Variants in RPGR observed in about 807,000 individuals in gnomAD.
RPGR encodes X-linked retinitis pigmentosa GTPase regulator.
A neutral mutation model predicts 56.3 loss-of-function variants in RPGR; 10 were observed. The observed-to-expected ratio is 0.18, with a 90% CI of 0.11 to 0.30. The LOEUF is 0.30. RPGR is among the 10% of genes least tolerant of loss of function. RPGR has a pLI of 1.00. For missense variants in RPGR, 538 were observed against 590.9 expected (o/e 0.91, Z 0.93); for synonymous variants, 197 against 212.9 (o/e 0.93, Z 0.65).
At chrX:38,284,077 T>C (rs1340315620) in intron 15 of RPGR, among the ~76,000 whole-genome samples, 1 of 111,458 alleles carries the variant, frequency 9.0e-6, no homozygotes, top group African/African-American at 3.3e-5. Flanking sequence ...CTTCATACGA[T>C]TCTAGACTTT....
intron 15 of RPGR, among the ~76,000 whole-genome samples, chrX:38,279,389 AT>A (rs1346732856): frequency 3.6e-5 from 4 of 111,966 alleles, no homozygotes; most frequent in Admixed American, 9.5e-5. Context: ...TTGGTCAGGC[AT>A]GGCACAGTCA....
intron 15 of RPGR, among the ~76,000 whole-genome samples, chrX:38,278,677 A>C (rs2066978588): frequency 8.9e-6 from 1 of 112,723 alleles, no homozygotes; most frequent in South Asian, 3.6e-4. Flanking sequence ...TATGACTGAT[A>C]GTTGTCTGCA....
At position 38,289,351 on chromosome X, in the gene RPGR, A is replaced by C. The variant is rs181609411; in HGVS notation, c.1573-1310T>G. On this transcript the variant is annotated intron_variant, in intron 13 of 18. Coordinates refer to ENST00000642395, the MANE Select transcript of RPGR (RefSeq NM_000328.3). ...TAAATGAAAGAACACTAAGGAAAGA[A>C]TATTAAGTGTAAAATGTAAGATTTG... Among the ~76,000 whole-genome samples, 254 of 112,394 alleles carry C rather than the reference A, an allele frequency of 2.3e-3. 1 individual carries two copies. Among genetic ancestry groups the C allele is most frequent in the Non-Finnish European group, 4.0e-3 (211 of 53,267 alleles).
In RPGR at chrX:38,287,286, T is replaced by A; in HGVS notation, c.1754-41A>T. On this transcript the variant is annotated intron_variant, in intron 14 of 18. Coordinates refer to ENST00000642395, the MANE Select transcript of RPGR (RefSeq NM_000328.3). ...ATTTAAAATCATACTTTGCCATGGA[T>A]TTGGATATTATGGGTTTAGTCTCTT... 3 of 1,204,935 alleles carry A rather than the reference T, an allele frequency of 2.5e-6. No homozygotes were observed. In the South Asian group the frequency reaches 5.3e-5, roughly 21 times the overall value.
rs1801687 is a variant in RPGR at position 38,297,424 on chromosome X, C to T, written c.1274G>A (p.Arg425Lys). 0.066 allele frequency: 79,597 copies of T among 1,205,424 alleles called. 2,698 individuals carry two copies. The highest frequency in any genetic ancestry group is 0.2 in the Admixed American group (8,997 of 45,276). Residue 425 changes from arginine to lysine, a missense_variant, in exon 11 of 19, where the codon AGG becomes AAG. Around this residue, in one of 2 missense-constraint regions of RPGR, gnomAD observed 357 missense variants for 325.8 expected, o/e 1.10. Coordinates refer to ENST00000642395, the MANE Select transcript of RPGR (RefSeq NM_000328.3). ...CCCTTCTATTGGAGGTAGTGTTCTCCTCATTGAAAAAGAATCTGGAGACCT... is the reference window on the plus strand; with the variant it reads ...CCCTTCTATTGGAGGTAGTGTTCTCTTCATTGAAAAAGAATCTGGAGACCT...
At chrX:38,297,193 A>G (rs2147227009) in intron 11 of RPGR, 91 bp downstream of exon 11, 2 of 957,299 alleles carry the variant, frequency 2.1e-6, no homozygotes, top group East Asian at 6.2e-5. Flanking sequence ...AACAATTTAA[A>G]TAACTGGAGA....
Position 38,269,699 on chromosome X carries a change from T to C in RPGR, c.2375A>G (p.His792Arg). 8.3e-7 allele frequency: 1 copy of C among 1,209,928 alleles called. No individual in the cohort carries two copies. The highest frequency in any genetic ancestry group is 1.1e-6 in the Non-Finnish European group (1 of 893,846). Residue 792 changes from histidine to arginine, a missense_variant, in exon 19 of 19, where the codon CAC (histidine) becomes CGC (arginine). This residue lies in a region of RPGR where 357 missense variants were observed against 325.8 expected (regional missense o/e 1.10). Transcript: ENST00000642395. ...GATATTCTGATGATTCTGACTCATG[T>C]GGTTCTGGTCGGCATCTTTATTATC...
chrX:38,304,517 A>G, intron 8 of RPGR, 118 bp downstream of exon 8: 2 of 572,249 alleles, frequency 3.5e-6, no homozygotes, highest in Non-Finnish European at 5.6e-6. Context: ...ATGGAATTCC[A>G]TTTTTCTCAG....
At chrX:38,317,496 G>A (rs779379902) in intron 5 of RPGR, 31 bp from the exon 6 acceptor site, 2 of 1,154,295 alleles carry the variant, frequency 1.7e-6, no homozygotes, top group African/African-American at 1.8e-5. Context: ...GGGAGAAAAG[G>A]TTTTAAAAGG....
intron 11 of RPGR, 73 bp from the exon 12 acceptor site, chrX:38,291,557 A>T (rs1024586980): frequency 1.7e-6 from 1 of 584,739 alleles, no homozygotes; most frequent in African/African-American, 2.2e-5. Context: ...CAGAAAACAG[A>T]AATTATTCTA....
At chrX:38,315,162 G>C (rs1422951752) in intron 6 of RPGR, among the ~76,000 whole-genome samples, 1 of 110,899 alleles carries the variant, frequency 9.0e-6, no homozygotes, top group Non-Finnish European at 1.9e-5. Flanking sequence ...AAACCCTGTC[G>C]CTATTAAAAA....
chrX:38,280,337 A>G (rs2067009663), intron 15 of RPGR, among the ~76,000 whole-genome samples: 1 of 110,930 alleles, frequency 9.0e-6, no homozygotes, highest in South Asian at 3.9e-4. Context: ...TTATCACTGG[A>G]AAATAGTTCA....
intron 15 of RPGR, chrX:38,285,418 T>A (rs1028671217): frequency 1.8e-4 from 198 of 1,131,412 alleles, no homozygotes; most frequent in Non-Finnish European, 2.2e-4. Context: ...CAGTTGCTTT[T>A]TTTTTTACTA....
chrX:38,322,863 T>C lies in RPGR; in HGVS notation c.237A>G (p.Thr79=), dbSNP rs753138628. The change falls in exon 3 of 19, where the codon ACA becomes ACG. Residue 79 remains threonine (T), a synonymous_variant. Coordinates refer to ENST00000642395, the MANE Select transcript of RPGR (RefSeq NM_000328.3). ...AAAAAGATCCCAAACCTTTGACACATGTTGGCTTGCTGATGGCTGACTTTG... is the reference window on the plus strand; with the variant it reads ...AAAAAGATCCCAAACCTTTGACACACGTTGGCTTGCTGATGGCTGACTTTG... The C allele has an allele frequency of 1.7e-6, 2 of 1,207,513 alleles. No homozygotes were observed. The highest frequency in any genetic ancestry group is 5.9e-5 in the East Asian group (2 of 33,778).
chrX:38,283,823 GT>G (rs2067076260), intron 15 of RPGR, among the ~76,000 whole-genome samples: 1 of 111,415 alleles, frequency 9.0e-6, no homozygotes, highest in Admixed American at 9.6e-5. Context: ...TTCCCTGGAG[GT>G]TTTTTTCTTT....
At chrX:38,287,772 A>G in intron 14 of RPGR, 89 bp downstream of exon 14, 1 of 852,006 alleles carries the variant, frequency 1.2e-6, no homozygotes, top group Non-Finnish European at 1.8e-6. Context: ...GTTGATCAAC[A>G]CCATTATTAT....
At chrX:38,279,910 AT>A (rs1253160008) in intron 15 of RPGR, among the ~76,000 whole-genome samples, 17 of 107,249 alleles carry the variant, frequency 1.6e-4, no homozygotes, top group Admixed American at 5.0e-4. Flanking sequence ...TCAAGTATAT[AT>A]TTTTTTTTTG....
At position 38,299,207 on chromosome X, in the gene RPGR, T is replaced by C. The variant is rs990150151; in HGVS notation, c.1060-66A>G. ...TCAAACACAAATGAGTTTTTAACAG[T>C]TATCAGCTGTAAGACATTTATTTAG... On this transcript the variant is annotated intron_variant, in intron 9 of 18. Coordinates refer to ENST00000642395, the MANE Select transcript of RPGR (RefSeq NM_000328.3). 19 of 1,080,238 alleles carry C rather than the reference T, an allele frequency of 1.8e-5. No homozygotes were observed. The Admixed American group carries it at 4.2e-4, about 24-fold the overall frequency. 89.0% of individuals were successfully genotyped at this position (1,080,238 alleles called of 1,213,427 possible).
chrX:38,302,874 G>A (rs1419233473), intron 8 of RPGR, among the ~76,000 whole-genome samples: 2 of 100,376 alleles, frequency 2.0e-5, no homozygotes. Context: ...GCAGTGGTGC[G>A]ATCTCAGCTC....
Sources: gnomAD v4.1 joint callset for allele counts (sites outside exome capture counted in the v4.1 genomes callset) on GRCh38, gnomAD v4.1.1 for gene constraint, gnomAD v4.1.1 regional missense constraint, MANE v1.5 for transcripts, NCBI Gene and HGNC (gene_info 2026-07-23, HGNC 2026-07-21) for gene names.